The following SAMD12 variants were observed in gnomAD, a reference collection of about 807,000 sequenced individuals.
The protein encoded by SAMD12 is sterile alpha motif domain containing 12.
In SAMD12, 9 loss-of-function variants were observed where a neutral mutation model predicts 15.0. The ratio of observed to expected loss-of-function variants is 0.60; its 90% confidence interval spans 0.36 to 1.05. The LOEUF (loss-of-function observed/expected upper bound fraction) is 1.05, where lower values mean the gene tolerates loss of function less well. SAMD12 is among the 50% of genes least tolerant of loss of function. The pLI is 0.01. For missense variants in SAMD12, 230 were observed against 234.2 expected (o/e 0.98, Z 0.12); for synonymous variants, 86 against 90.1 (o/e 0.96, Z 0.25).
At chr8:118,582,349 T>C (rs1827317393) in intron 1 of SAMD12, among the ~76,000 whole-genome samples, 1 of 152,194 alleles carries the variant, frequency 6.6e-6, no homozygotes, top group African/African-American at 2.4e-5. Context: ...AACATCACTC[T>C]ATGATCCATC....
chr8:118,564,391 T>C (rs1429070375), intron 2 of SAMD12, among the ~76,000 whole-genome samples: 1 of 152,172 alleles, frequency 6.6e-6, no homozygotes, highest in Non-Finnish European at 1.5e-5. Flanking sequence ...GTCACTTACA[T>C]ACAATACAAA....
At chr8:118,368,023 A>T (rs1818885579) in intron 4 of SAMD12, among the ~76,000 whole-genome samples, 1 of 152,226 alleles carries the variant, frequency 6.6e-6, no homozygotes, top group Admixed American at 6.5e-5. Flanking sequence ...GCTACTGATA[A>T]ACTGACATAT....
At chr8:118,316,341 T>C (rs966213895) in intron 4 of SAMD12, among the ~76,000 whole-genome samples, 8 of 137,664 alleles carry the variant, frequency 5.8e-5, no homozygotes, top group African/African-American at 9.0e-5. Flanking sequence ...AAGACCATCC[T>C]GGTCAACATG....
intron 2 of SAMD12, among the ~76,000 whole-genome samples, chr8:118,456,409 A>G (rs1326942542): frequency 2.0e-5 from 3 of 152,162 alleles, no homozygotes; most frequent in African/African-American, 7.2e-5. Flanking sequence ...ATATTTTCCT[A>G]CACCTATTTA....
At chr8:118,515,680 C>CAAATGCATAGCA (rs1825222301) in intron 2 of SAMD12, among the ~76,000 whole-genome samples, 4 of 152,188 alleles carry the variant, frequency 2.6e-5, no homozygotes, top group Non-Finnish European at 2.9e-5. Context: ...GTACCTTCCT[C>CAAATGCATAGCA]ACTGACAAAT....
the SAMD12 span, among the ~76,000 whole-genome samples, chr8:118,179,778 G>A: frequency 2.0e-5 from 3 of 152,232 alleles, no homozygotes; most frequent in East Asian, 1.9e-4. Context: ...ATGCACATAC[G>A]GGACTAGGCA....
intron 4 of SAMD12, among the ~76,000 whole-genome samples, chr8:118,350,678 G>A (rs1347003929): frequency 6.6e-6 from 1 of 152,214 alleles, no homozygotes; most frequent in African/African-American, 2.4e-5. Flanking sequence ...TGTCTATTAA[G>A]TGAATGACTA....
chr8:118,446,670 A>G (rs1265503367), intron 2 of SAMD12, among the ~76,000 whole-genome samples: 1 of 152,232 alleles, frequency 6.6e-6, no homozygotes, highest in Non-Finnish European at 1.5e-5. Flanking sequence ...ACGTACTTTC[A>G]TATGGAAGTC....
At chr8:118,229,066 T>C (rs2451172) in intron 4 of SAMD12, among the ~76,000 whole-genome samples, 82,868 of 151,924 alleles carry the variant, frequency 0.55, 26,076 homozygotes, top group Non-Finnish European at 0.73. Flanking sequence ...TTCTCACTGA[T>C]ATGTGGGAGC....
chr8:118,541,299 C>T (rs191949210), intron 2 of SAMD12, among the ~76,000 whole-genome samples: 29 of 152,242 alleles, frequency 1.9e-4, no homozygotes, highest in Admixed American at 9.2e-4. Context: ...TGGCTCTAAG[C>T]CTTACCCTTC....
intron 4 of SAMD12, among the ~76,000 whole-genome samples, chr8:118,236,381 T>C (rs1812430942): frequency 6.6e-6 from 1 of 152,122 alleles, no homozygotes; most frequent in Non-Finnish European, 1.5e-5. Flanking sequence ...GCCCAAATAG[T>C]AGCACTTTGC....
chr8:118,328,098 C>A (rs1015688185), intron 4 of SAMD12, among the ~76,000 whole-genome samples: 18 of 152,228 alleles, frequency 1.2e-4, no homozygotes, highest in African/African-American at 4.3e-4. Flanking sequence ...GCTCTCTTCA[C>A]CTTTTTCAGT....
At chr8:118,457,054 T>G (rs754168445) in intron 2 of SAMD12, among the ~76,000 whole-genome samples, 21 of 152,214 alleles carry the variant, frequency 1.4e-4, no homozygotes, top group Non-Finnish European at 2.9e-4. Context: ...ATGTTTGCTA[T>G]AAGAATTCAA....
intron 2 of SAMD12, among the ~76,000 whole-genome samples, chr8:118,559,734 T>C (rs1196262965): frequency 2.0e-5 from 3 of 152,172 alleles, no homozygotes; most frequent in African/African-American, 7.2e-5. Context: ...GTGACATGCA[T>C]AGAAAATCTA....
intron 2 of SAMD12, among the ~76,000 whole-genome samples, chr8:118,454,338 T>C (rs1175381737): frequency 6.6e-6 from 1 of 152,218 alleles, no homozygotes; most frequent in Non-Finnish European, 1.5e-5. Context: ...CATTCCTTTT[T>C]TGATATCTTA....
At chr8:118,364,855 G>A (rs1229566805) in intron 4 of SAMD12, among the ~76,000 whole-genome samples, 1 of 151,890 alleles carries the variant, frequency 6.6e-6, no homozygotes, top group Non-Finnish European at 1.5e-5. Flanking sequence ...TTTTCTCTTG[G>A]GGATGAGGAT....
chr8:118,560,010 T>C (rs1423620134), intron 2 of SAMD12, among the ~76,000 whole-genome samples: 1 of 144,938 alleles, frequency 6.9e-6, no homozygotes, highest in Non-Finnish European at 1.5e-5. Flanking sequence ...TGGGAGTCAT[T>C]ATGTATATTT....
At chr8:118,222,070 G>A (rs1399925939) in intron 4 of SAMD12, among the ~76,000 whole-genome samples, 2 of 152,164 alleles carry the variant, frequency 1.3e-5, no homozygotes, top group African/African-American at 4.8e-5. Flanking sequence ...GAGGGAAGAC[G>A]TTTTTGTTTG....
chr8:118,360,251 A>G (rs1033659423), intron 4 of SAMD12, among the ~76,000 whole-genome samples: 5 of 152,218 alleles, frequency 3.3e-5, no homozygotes, highest in African/African-American at 1.2e-4. Context: ...AAATCTTAGT[A>G]TCTACCAGAA....
Sources: allele counts gnomAD v4.1 joint callset (sites outside exome capture counted in the v4.1 genomes callset), GRCh38; gene constraint gnomAD v4.1.1; transcripts MANE v1.5; gene names NCBI Gene and HGNC (gene_info 2026-07-23, HGNC 2026-07-21).